DPCD: variants seen among roughly 807,000 people sequenced by gnomAD.
The protein encoded by DPCD is deleted in primary ciliary dyskinesia homolog (mouse).
Under a neutral mutation model 26.4 loss-of-function variants are expected in DPCD, and 20 were observed. The ratio of observed to expected loss-of-function variants is 0.76; its 90% confidence interval spans 0.53 to 1.10. The LOEUF is 1.10. Ranked by LOEUF, DPCD falls within the 50% of genes least tolerant of loss-of-function variation. The pLI is 0.00. For synonymous variants in DPCD, 97 were observed against 94.2 expected (o/e 1.03, Z -0.17); for missense variants, 202 against 253.9 (o/e 0.80, Z 1.39).
chr10:101,593,888 A>G (rs1325450104), intron 1 of DPCD, among the ~76,000 whole-genome samples: 1 of 152,084 alleles, frequency 6.6e-6, no homozygotes, highest in African/African-American at 2.4e-5. Context: ...TTCAATCAGT[A>G]TTTAGTTGAG....
At chr10:101,605,059 C>A (rs375799932) in intron 4 of DPCD, 1 of 1,544,646 alleles carries the variant, frequency 6.5e-7, no homozygotes, top group Non-Finnish European at 8.7e-7. Context: ...GACTGTCTAG[C>A]AGGGGGCGAC....
rs562937441 is a variant in DPCD at position 101,605,295 on chromosome 10, C to A, written c.405-3540C>A. ...TCCAGAGTCTCTCTCCCTCTGAGGG[C>A]CTGGCCTCTGGTGCCCTTTTGGGTT... On this transcript the variant is annotated intron_variant, in intron 4 of 5. Transcript: ENST00000370151. The A allele has an allele frequency of 1.5e-5, 23 of 1,524,626 alleles. No individual in the cohort carries two copies. In the African/African-American group the frequency reaches 2.8e-4, roughly 18 times the overall value. 94.4% of individuals were successfully genotyped at this position (1,524,626 alleles called of 1,614,324 possible).
intron 2 of DPCD, among the ~76,000 whole-genome samples, chr10:101,599,353 G>A (rs779082752): frequency 9.2e-5 from 14 of 152,158 alleles, no homozygotes; most frequent in Non-Finnish European, 1.2e-4. Flanking sequence ...GTCACAGTCC[G>A]TTCACTTAAG....
Position 101,609,655 on chromosome 10 carries a change from T to TTAC in DPCD, c.*186_*188dup. On this transcript the variant is annotated 3_prime_UTR_variant, in exon 6 of 6. Transcript: ENST00000370151. Reference sequence around the variant, plus strand: ...CCTGAGTAAAGTCATTCTGAGTTACTTACTGCACAGGGACTGCCCTCTTGT... The same window carrying TTAC: ...CCTGAGTAAAGTCATTCTGAGTTACTTACTACTGCACAGGGACTGCCCTCTTGT... 1.7e-6 allele frequency: 1 copy of TTAC among 597,298 alleles called. No homozygotes were observed. Among genetic ancestry groups the TTAC allele is most frequent in the Non-Finnish European group, 3.0e-6 (1 of 338,894 alleles). 37.0% of individuals were successfully genotyped at this position (597,298 alleles called of 1,614,324 possible).
At chr10:101,607,373 C>T (rs949175453) in intron 4 of DPCD, among the ~76,000 whole-genome samples, 2 of 152,324 alleles carry the variant, frequency 1.3e-5, no homozygotes, top group East Asian at 1.9e-4. Context: ...GCAGATGGAT[C>T]GCCTTTCCCT....
rs374661420 is a variant in DPCD, at chr10:101,609,511, G to A, written c.*40G>A. On this transcript the variant is annotated 3_prime_UTR_variant, in exon 6 of 6. Transcript: ENST00000370151. Reference sequence around the variant, plus strand: ...TTATACCTCCACCACAGGGGGTGCCGTGAGACTTCAAGGCTTGGCCCTTCT... The same window carrying A: ...TTATACCTCCACCACAGGGGGTGCCATGAGACTTCAAGGCTTGGCCCTTCT... The A allele has an allele frequency of 1.6e-5, 25 of 1,575,264 alleles. 1 individual carries two copies. The African/African-American group carries it at 1.9e-4, about 12-fold the overall frequency.
intron 1 of DPCD, among the ~76,000 whole-genome samples, chr10:101,592,639 G>A (rs185301897): frequency 1.6e-4 from 24 of 151,834 alleles, no homozygotes; most frequent in Admixed American, 9.8e-4. Context: ...AGGATCACTT[G>A]AGCCCAGGAG....
intron 1 of DPCD, chr10:101,588,665 T>C: frequency 7.8e-7 from 1 of 1,282,202 alleles, no homozygotes; most frequent in South Asian, 2.0e-5. Flanking sequence ...TTACATTCAT[T>C]ATCTCATTTG....
chr10:101,594,804 C>A, intron 2 of DPCD, 66 bp downstream of exon 2: 1 of 1,461,150 alleles, frequency 6.8e-7, no homozygotes, highest in Non-Finnish European at 9.6e-7. Flanking sequence ...ACAATGAACA[C>A]TCCTAGCCTT....
chr10:101,600,692 C>G lies in DPCD; in HGVS notation c.146-46C>G. 1 of 1,599,244 alleles carries G rather than the reference C, an allele frequency of 6.3e-7. No individual in the cohort carries two copies. The highest frequency in any genetic ancestry group is 2.2e-5 in the East Asian group (1 of 44,668). On this transcript the variant is annotated intron_variant, in intron 2 of 5. Coordinates refer to ENST00000370151, the MANE Select transcript of DPCD (RefSeq NM_015448.3). The surrounding 1 kb of genome is among the most constrained non-coding windows in gnomAD (Gnocchi z 4.7). ...AGAGCAGAGACCCTCTCTTCACTCT[C>G]ATCCTGATGCTTGCTTCTCATCCCG...
intron 1 of DPCD, among the ~76,000 whole-genome samples, chr10:101,591,678 A>C (rs2063609105): frequency 6.6e-6 from 1 of 152,070 alleles, no homozygotes; most frequent in Admixed American, 6.5e-5. Flanking sequence ...CACCCAGATA[A>C]TCATAATTTA....
intron 1 of DPCD, among the ~76,000 whole-genome samples, chr10:101,590,436 G>T (rs2134750792): frequency 6.6e-6 from 1 of 152,094 alleles, no homozygotes; most frequent in Admixed American, 6.5e-5. Context: ...AGTGGTTTTT[G>T]TTTTTATTGT....
chr10:101,609,298 C>A, intron 5 of DPCD, 69 bp from the exon 6 acceptor site: 1 of 1,501,988 alleles, frequency 6.7e-7, no homozygotes, highest in South Asian at 1.2e-5. Flanking sequence ...GGAGAAGGGG[C>A]CCCAAGTGTG....
At chr10:101,595,938 A>G (rs1356754238) in intron 2 of DPCD, among the ~76,000 whole-genome samples, 2 of 152,202 alleles carry the variant, frequency 1.3e-5, no homozygotes, top group African/African-American at 4.8e-5. Context: ...ACTAGCCACC[A>G]CCATAACCAG....
intron 3 of DPCD, 89 bp from the exon 4 acceptor site, chr10:101,601,114 G>A: frequency 6.4e-7 from 1 of 1,574,326 alleles, no homozygotes; most frequent in Non-Finnish European, 8.6e-7. Context: ...AGAGCTGAGG[G>A]TCTTGTTGTG....
chr10:101,609,420 A>G lies in DPCD; in HGVS notation c.561A>G (p.Leu187=), dbSNP rs2063758759. 1 of 1,614,152 alleles carries G rather than the reference A, an allele frequency of 6.2e-7. No individual in the cohort carries two copies. Among genetic ancestry groups the G allele is most frequent in the Middle Eastern group, 1.6e-4 (1 of 6,062 alleles). The change falls in exon 6 of 6, where the codon CTA becomes CTG. Residue 187 remains leucine (L), a synonymous_variant. Transcript: ENST00000370151. The part of the protein sequence containing the change: ...VVAESELQKE[L]KKVKTAHSND... ...CCGAGTCTGAGCTACAGAAGGAACT[A>G]AAGAAGGTGAAGACAGCCCACAGCA...
intron 1 of DPCD, among the ~76,000 whole-genome samples, chr10:101,589,808 C>T (rs1056749267): frequency 6.6e-6 from 1 of 152,068 alleles, no homozygotes; most frequent in Non-Finnish European, 1.5e-5. Flanking sequence ...CGCTTGAACC[C>T]GGGAGATGGA....
At chr10:101,606,315 C>T (rs563000628) in intron 4 of DPCD, among the ~76,000 whole-genome samples, 7 of 152,272 alleles carry the variant, frequency 4.6e-5, no homozygotes, top group African/African-American at 1.7e-4. Context: ...GTGCTGCTAC[C>T]ACGCCTGGCT....
In DPCD at chr10:101,600,891, C is replaced by A. The variant is rs377516854; in HGVS notation, c.270+29C>A. On this transcript the variant is annotated intron_variant, in intron 3 of 5. Coordinates refer to ENST00000370151, the MANE Select transcript of DPCD (RefSeq NM_015448.3). This position sits in a 1 kb window ranked among gnomAD's most constrained non-coding sequence, Gnocchi z 4.7. ...CGTCCATCTGTCCAGGTGTCTTGCA[C>A]GGACTGAGGTGGGGGTGGGCTGTGG... 1.2e-6 allele frequency: 2 copies of A among 1,612,146 alleles called. No individual in the cohort carries two copies. The highest frequency in any genetic ancestry group is 2.7e-5 in the African/African-American group (2 of 74,958).
Sources: allele counts gnomAD v4.1 joint callset (sites outside exome capture counted in the v4.1 genomes callset), GRCh38; gene constraint gnomAD v4.1.1; non-coding constraint Gnocchi (gnomAD v3.1); transcripts MANE v1.5; gene names NCBI Gene and HGNC (gene_info 2026-07-23, HGNC 2026-07-21).